The following RAPGEF5 variants were observed in gnomAD, a reference collection of about 807,000 sequenced individuals.
The protein encoded by RAPGEF5 is Rap guanine nucleotide exchange factor 5, also known as M-Ras-regulated GEF.
In RAPGEF5, 65 loss-of-function variants were observed where a neutral mutation model predicts 125.2. The observed-to-expected ratio is 0.52, with a 90% CI of 0.43 to 0.64. RAPGEF5 has a LOEUF of 0.64. Ranked by LOEUF, RAPGEF5 falls within the 30% of genes least tolerant of loss-of-function variation. The pLI is 0.00. For missense variants in RAPGEF5, 958 were observed against 1,048.1 expected, an observed-to-expected ratio of 0.91 and a Z score of 1.19; for synonymous variants, 391 against 385.9, an observed-to-expected ratio of 1.01 and a Z score of -0.16.
At chr7:22,330,358 C>T (rs1350889243) in intron 1 of RAPGEF5, among the ~76,000 whole-genome samples, 1 of 152,186 alleles carries the variant, frequency 6.6e-6, no homozygotes, top group Non-Finnish European at 1.5e-5. Context: ...GAGATGTAAG[C>T]ACAGAGGAGA....
chr7:22,165,971 A>G (rs1283784361), intron 12 of RAPGEF5, among the ~76,000 whole-genome samples: 5 of 150,918 alleles, frequency 3.3e-5, no homozygotes, highest in Non-Finnish European at 3.0e-5. Flanking sequence ...GCATGCCATC[A>G]TGCCCAGCTA....
chr7:22,219,988 CT>C lies in RAPGEF5; in HGVS notation c.873del (p.Val293Ter), dbSNP rs1187532636. On this transcript the variant is annotated frameshift_variant and splice_region_variant, in exon 9 of 26. Transcript: ENST00000665637. LOFTEE classifies it high-confidence loss of function. ...TEAESVPDSQ[A>X]GVMCKLQERD... is the part of the protein sequence containing the mutation. The stretch of plus-strand genomic sequence containing the variant: ...CTTTCCTGGAGCTTGCACATCACCC[CT>C]GCCTTAAGAGTTGGAGAAAAAGCGA... 2 of 1,613,350 alleles carry C rather than the reference CT, an allele frequency of 1.2e-6. No individual in the cohort carries two copies. The highest frequency in any genetic ancestry group is 1.7e-6 in the Non-Finnish European group (2 of 1,179,610).
At chr7:22,337,640 G>A (rs547259346) in intron 1 of RAPGEF5, among the ~76,000 whole-genome samples, 1 of 152,286 alleles carries the variant, frequency 6.6e-6, no homozygotes, top group Admixed American at 6.5e-5. Context: ...GAATGACCCA[G>A]GGCAGTCTGG....
rs1392972113 is a variant in RAPGEF5, at chr7:22,309,991, C to T, written c.489G>A (p.Leu163=). The part of the protein sequence containing the change: ...SMAIGVWQLL[L]DMGIMLSVDQ... Reference sequence around the variant, plus strand: ...AACCTGATAACATAATTCCCATGTCCAGTAGGAGTTGCCAGACTCCTATGG... The same window carrying T: ...AACCTGATAACATAATTCCCATGTCTAGTAGGAGTTGCCAGACTCCTATGG... Residue 163 remains leucine (L), a synonymous_variant, in exon 4 of 26, where the codon CTG becomes CTA. Transcript: ENST00000665637. 6.3e-7 allele frequency: 1 copy of T among 1,590,528 alleles called. No homozygotes were observed. The highest frequency in any genetic ancestry group is 1.8e-5 in the Admixed American group (1 of 54,424).
chr7:22,218,904 A>T (rs529864177), intron 9 of RAPGEF5, among the ~76,000 whole-genome samples: 2 of 152,342 alleles, frequency 1.3e-5, no homozygotes, highest in East Asian at 1.9e-4. Flanking sequence ...CTGTTAGAGA[A>T]GTGCTATGTT....
At chr7:22,274,419 A>G (rs113346667) in intron 6 of RAPGEF5, among the ~76,000 whole-genome samples, 84 of 152,112 alleles carry the variant, frequency 5.5e-4, no homozygotes, top group African/African-American at 2.0e-3. Context: ...AGCCTCCATG[A>G]CCAGGGCTCA....
At chr7:22,275,202 A>G (rs1782529678) in intron 6 of RAPGEF5, among the ~76,000 whole-genome samples, 1 of 151,920 alleles carries the variant, frequency 6.6e-6, no homozygotes, top group African/African-American at 2.4e-5. Flanking sequence ...TCCTGTTTAT[A>G]CTCCAATAGC....
intron 1 of RAPGEF5, among the ~76,000 whole-genome samples, chr7:22,335,798 T>C (rs968506367): frequency 6.6e-6 from 1 of 151,984 alleles, no homozygotes; most frequent in Admixed American, 6.6e-5. Context: ...ACTCCTTTCC[T>C]TCTCTGTCAC....
At chr7:22,132,750 A>G (rs905518646) in intron 23 of RAPGEF5, among the ~76,000 whole-genome samples, 4 of 152,144 alleles carry the variant, frequency 2.6e-5, no homozygotes, top group African/African-American at 9.7e-5. Flanking sequence ...AGGGATGATG[A>G]GGAGGGCAGT....
intron 5 of RAPGEF5, among the ~76,000 whole-genome samples, chr7:22,306,080 T>C (rs1216003680): frequency 6.6e-6 from 1 of 152,222 alleles, no homozygotes; most frequent in East Asian, 1.9e-4. Context: ...GTGGGATTAC[T>C]GGATACTATG....
chr7:22,128,553 C>T (rs550267120), intron 24 of RAPGEF5, among the ~76,000 whole-genome samples: 1 of 152,210 alleles, frequency 6.6e-6, no homozygotes, highest in Non-Finnish European at 1.5e-5. Context: ...CAGTCCTTTA[C>T]TAAGAAATAT....
At chr7:22,299,803 T>G (rs568666562) in intron 5 of RAPGEF5, among the ~76,000 whole-genome samples, 2 of 151,838 alleles carry the variant, frequency 1.3e-5, no homozygotes, top group Non-Finnish European at 2.9e-5. Context: ...CTTAAAGACT[T>G]TCTTCCACTG....
intron 9 of RAPGEF5, 75 bp from the exon 10 acceptor site, chr7:22,194,108 G>C: frequency 8.1e-7 from 1 of 1,233,140 alleles, no homozygotes; most frequent in Non-Finnish European, 1.2e-6. Flanking sequence ...GGAAAATGGA[G>C]CTAACTCAAG....
At chr7:22,267,063 C>T in intron 6 of RAPGEF5, 51 bp from the exon 7 acceptor site, 10 of 1,520,662 alleles carry the variant, frequency 6.6e-6, no homozygotes, top group Non-Finnish European at 9.1e-6. Flanking sequence ...AAAATGTAGC[C>T]ATCAAAAGCA....
intron 9 of RAPGEF5, among the ~76,000 whole-genome samples, chr7:22,206,739 T>C (rs1785407158): frequency 7.0e-6 from 1 of 143,578 alleles, no homozygotes; most frequent in Non-Finnish European, 1.5e-5. Context: ...CCAAAAGGAA[T>C]AGAAAAAATA....
intron 6 of RAPGEF5, among the ~76,000 whole-genome samples, chr7:22,275,360 A>G (rs986379934): frequency 1.3e-5 from 2 of 152,218 alleles, no homozygotes; most frequent in East Asian, 1.9e-4. Context: ...CATTCCTGGT[A>G]CATACGTTTG....
At chr7:22,291,739 C>T (rs1782939913) in intron 5 of RAPGEF5, among the ~76,000 whole-genome samples, 1 of 152,126 alleles carries the variant, frequency 6.6e-6, no homozygotes, top group Admixed American at 6.5e-5. Flanking sequence ...TATAAAAACG[C>T]AGAAGTTTTG....
intron 11 of RAPGEF5, among the ~76,000 whole-genome samples, chr7:22,178,176 C>G (rs1784566975): frequency 6.6e-6 from 1 of 151,902 alleles, no homozygotes; most frequent in Non-Finnish European, 1.5e-5. Flanking sequence ...TGACCAGTTA[C>G]ACATATTTAT....
In RAPGEF5 at chr7:22,220,030, C is replaced by T. The variant is rs1234315665; in HGVS notation, c.871-39G>A. On this transcript the variant is annotated intron_variant, in intron 8 of 25. Coordinates refer to ENST00000665637, the MANE Select transcript of RAPGEF5 (RefSeq NM_012294.5). Reference sequence around the variant, plus strand: ...GAAAAAGCGAAGATATACTTAAAACCACAGTCCCAGGACATGACACCACCG... The same window carrying T: ...GAAAAAGCGAAGATATACTTAAAACTACAGTCCCAGGACATGACACCACCG... The T allele has an allele frequency of 1.9e-6, 3 of 1,610,062 alleles. No individual in the cohort carries two copies. The East Asian group carries it at 6.7e-5, about 36-fold the overall frequency.
Sources: allele counts gnomAD v4.1 joint callset (sites outside exome capture counted in the v4.1 genomes callset), GRCh38; gene constraint gnomAD v4.1.1; transcripts MANE v1.5; gene names NCBI Gene and HGNC (gene_info 2026-07-23, HGNC 2026-07-21).